Variants in ZNF385D observed in about 807,000 individuals in gnomAD.
The protein encoded by ZNF385D is zinc finger protein 385D.
A neutral mutation model predicts 35.8 loss-of-function variants in ZNF385D; 15 were observed. The ratio of observed to expected loss-of-function variants is 0.42; its 90% CI spans 0.28 to 0.64. The LOEUF is 0.64. Ranked by LOEUF, ZNF385D falls within the 30% of genes least tolerant of loss-of-function variation. ZNF385D has a pLI of 0.23. For synonymous variants in ZNF385D, 212 were observed against 186.8 expected (o/e 1.13, Z -1.10); for missense variants, 474 against 494.6 (o/e 0.96, Z 0.39).
chr3:22,308,272 T>G (rs1703345095), intron 2 of ZNF385D, among the ~76,000 whole-genome samples: 1 of 152,122 alleles, frequency 6.6e-6, no homozygotes, highest in Admixed American at 6.6e-5. Flanking sequence ...GAGCGGAATT[T>G]TATATTATTA....
chr3:22,002,930 T>C (rs1695941892), intron 3 of ZNF385D, among the ~76,000 whole-genome samples: 1 of 152,016 alleles, frequency 6.6e-6, no homozygotes, highest in Admixed American at 6.6e-5. Flanking sequence ...TATCTCAAAA[T>C]AATAAAGGTC....
chr3:21,865,136 T>A (rs1175259743), intron 3 of ZNF385D, among the ~76,000 whole-genome samples: 2 of 150,228 alleles, frequency 1.3e-5, no homozygotes, highest in African/African-American at 4.9e-5. Flanking sequence ...TTGGTTGTTT[T>A]TCTTCTGGTC....
intron 3 of ZNF385D, among the ~76,000 whole-genome samples, chr3:21,855,155 C>A (rs1298613439): frequency 6.6e-6 from 1 of 152,060 alleles, no homozygotes; most frequent in Non-Finnish European, 1.5e-5. Flanking sequence ...CCATACCTAT[C>A]TCTGAAAGTA....
At chr3:22,149,202 T>C (rs17648344) in intron 3 of ZNF385D, among the ~76,000 whole-genome samples, 27,221 of 152,060 alleles carry the variant, frequency 0.18, 2,625 homozygotes, top group Middle Eastern at 0.25. Context: ...AACCCTGAAA[T>C]ATTTCTCTAA....
chr3:21,818,868 A>G (rs2073274094), intron 3 of ZNF385D, among the ~76,000 whole-genome samples: 1 of 152,036 alleles, frequency 6.6e-6, no homozygotes, highest in Non-Finnish European at 1.5e-5. Context: ...TGAGAGATTA[A>G]AGATGAAGAA....
At chr3:21,451,762 T>C (rs1702474792) in intron 4 of ZNF385D, among the ~76,000 whole-genome samples, 1 of 152,116 alleles carries the variant, frequency 6.6e-6, no homozygotes, top group Admixed American at 6.6e-5. Flanking sequence ...ATCCTCAGTA[T>C]AGTACTACGA....
chr3:22,218,293 T>C (rs757058787), intron 2 of ZNF385D, among the ~76,000 whole-genome samples: 1 of 152,126 alleles, frequency 6.6e-6, no homozygotes, highest in Non-Finnish European at 1.5e-5. Context: ...TGACTAATTG[T>C]ATCCCTAGTA....
At position 21,435,616 on chromosome 3, in the gene ZNF385D, A is replaced by C. The variant is rs367667295; in HGVS notation, c.673+1354T>G. ...AAGGACATGGTGTGTTTATCTGTCA[A>C]GATTGATGCTTTCTCAAAATGAATG... On this transcript the variant is annotated intron_variant, in intron 5 of 7. Transcript: ENST00000281523. 3.9e-5 allele frequency among the ~76,000 whole-genome samples: 6 copies of C among 152,284 alleles called. No homozygotes were observed. In the East Asian group the frequency reaches 1.2e-3, roughly 29 times the overall value.
chr3:22,087,533 T>C (rs963977234), intron 3 of ZNF385D, among the ~76,000 whole-genome samples: 1 of 152,166 alleles, frequency 6.6e-6, no homozygotes, highest in African/African-American at 2.4e-5. Context: ...ACATGATGAC[T>C]GGAACCAGGG....
intron 3 of ZNF385D, among the ~76,000 whole-genome samples, chr3:22,105,980 C>A (rs1168103931): frequency 1.3e-5 from 2 of 152,126 alleles, no homozygotes; most frequent in Non-Finnish European, 2.9e-5. Flanking sequence ...AAATAACTTT[C>A]ATATTACTTT....
chr3:21,908,525 G>A (rs1252499448), intron 3 of ZNF385D, among the ~76,000 whole-genome samples: 2 of 152,114 alleles, frequency 1.3e-5, no homozygotes. Context: ...CACTGTAACA[G>A]GCTGAGCCTC....
chr3:21,889,796 G>C (rs1698749858), intron 3 of ZNF385D, among the ~76,000 whole-genome samples: 2 of 152,124 alleles, frequency 1.3e-5, no homozygotes, highest in Non-Finnish European at 2.9e-5. Flanking sequence ...CACAGTTCTG[G>C]AGACCAGAAG....
At chr3:21,999,689 C>T (rs1051644996) in intron 3 of ZNF385D, among the ~76,000 whole-genome samples, 1 of 150,714 alleles carries the variant, frequency 6.6e-6, no homozygotes, top group Non-Finnish European at 1.5e-5. Context: ...AGCAGTCCAA[C>T]AGATAGCTTC....
intron 2 of ZNF385D, among the ~76,000 whole-genome samples, chr3:22,206,158 A>G: frequency 6.6e-6 from 1 of 152,076 alleles, no homozygotes; most frequent in East Asian, 1.9e-4. Context: ...ATAGATATCA[A>G]GACAAAAACT....
At chr3:22,030,429 T>C (rs1192123448) in intron 3 of ZNF385D, among the ~76,000 whole-genome samples, 1 of 150,326 alleles carries the variant, frequency 6.7e-6, no homozygotes, top group Non-Finnish European at 1.5e-5. Context: ...AGCAAGTAAC[T>C]TTTTTACAAA....
chr3:21,953,791 C>T (rs1054497604), intron 3 of ZNF385D, among the ~76,000 whole-genome samples: 1 of 151,884 alleles, frequency 6.6e-6, no homozygotes, highest in African/African-American at 2.4e-5. Flanking sequence ...ACAAAGATAC[C>T]ACTGTAGTGT....
At chr3:21,950,895 A>G (rs1165298321) in intron 3 of ZNF385D, among the ~76,000 whole-genome samples, 1 of 151,328 alleles carries the variant, frequency 6.6e-6, no homozygotes, top group African/African-American at 2.4e-5. Flanking sequence ...ATTTTGTTCC[A>G]TTGGTCTGTA....
intron 3 of ZNF385D, among the ~76,000 whole-genome samples, chr3:21,518,264 G>A (rs1707700348): frequency 1.3e-5 from 2 of 151,944 alleles, no homozygotes; most frequent in African/African-American, 2.4e-5. Flanking sequence ...TCAGATACAT[G>A]TGTATTTGGG....
chr3:22,110,531 C>T (rs1423459356), intron 3 of ZNF385D, among the ~76,000 whole-genome samples: 2 of 151,832 alleles, frequency 1.3e-5, no homozygotes, highest in African/African-American at 2.4e-5. Flanking sequence ...AGCAAACTAT[C>T]ACAAGGACAA....
Sources: gnomAD v4.1 joint callset for allele counts (sites outside exome capture counted in the v4.1 genomes callset) on GRCh38, gnomAD v4.1.1 for gene constraint, MANE v1.5 for transcripts, NCBI Gene and HGNC (gene_info 2026-07-23, HGNC 2026-07-21) for gene names.